SCN11A: variants seen among roughly 807,000 people sequenced by gnomAD.
The protein encoded by SCN11A is sodium voltage-gated channel alpha subunit 11.
Under a neutral mutation model 162.2 loss-of-function variants are expected in SCN11A, and 122 were observed. That is an observed-to-expected ratio of 0.75 (90% CI 0.65 to 0.87). The LOEUF (loss-of-function observed/expected upper bound fraction) is 0.87. SCN11A is among the 40% of genes least tolerant of loss of function. SCN11A has a pLI of 0.00. For synonymous variants in SCN11A, 758 were observed against 751.5 expected (o/e 1.01, Z -0.14); for missense variants, 2,015 against 2,181.6 (o/e 0.92, Z 1.52).
chr3:38,987,299 TCTCTCACA>T (rs1293184264), intron 2 of SCN11A, among the ~76,000 whole-genome samples: 173 of 111,736 alleles, frequency 1.5e-3, no homozygotes, highest in African/African-American at 7.5e-3. Context: ...TCTCTCTCTC[TCTCTCACA>T]CACACACACA....
chr3:38,897,801 A>C (rs1296792120), intron 17 of SCN11A, among the ~76,000 whole-genome samples: 7 of 152,266 alleles, frequency 4.6e-5, no homozygotes, highest in African/African-American at 1.4e-4. Context: ...GAGCTACATA[A>C]TTATTATATA....
chr3:38,876,987 G>GAT (rs200572820), intron 23 of SCN11A, among the ~76,000 whole-genome samples: 2 of 149,354 alleles, frequency 1.3e-5, no homozygotes, highest in African/African-American at 4.9e-5. Flanking sequence ...AAGAAAATGT[G>GAT]ATATATATAT....
chr3:39,009,378 T>C (rs1437406453), intron 2 of SCN11A, among the ~76,000 whole-genome samples: 1 of 151,502 alleles, frequency 6.6e-6, no homozygotes, highest in Non-Finnish European at 1.5e-5. Flanking sequence ...ATCCTGCTCA[T>C]GCAAAAATAA....
At chr3:39,009,101 T>C (rs775339634) in intron 2 of SCN11A, among the ~76,000 whole-genome samples, 6 of 152,026 alleles carry the variant, frequency 3.9e-5, no homozygotes, top group Non-Finnish European at 5.9e-5. Context: ...TTACAACAGA[T>C]TGAATGAAAA....
chr3:38,872,136 G>A (rs1251284758), intron 24 of SCN11A, 57 bp downstream of exon 24: 3 of 1,033,832 alleles, frequency 2.9e-6, no homozygotes, highest in African/African-American at 3.2e-5. Flanking sequence ...AAGAACTGTT[G>A]GTCTTTCCAC....
intron 2 of SCN11A, among the ~76,000 whole-genome samples, chr3:38,963,395 T>TATATATATATATATATATATATGATGGAG (rs1287753701): frequency 7.3e-5 from 4 of 54,542 alleles, no homozygotes; most frequent in Non-Finnish European, 1.4e-4. Flanking sequence ...ATGATGGAGA[T>TATATATATATATATATATATATGATGGAG]ATATATATAT....
At chr3:39,008,630 T>C (rs1382038850) in intron 2 of SCN11A, among the ~76,000 whole-genome samples, 1 of 152,198 alleles carries the variant, frequency 6.6e-6, no homozygotes, top group African/African-American at 2.4e-5. Context: ...GGCTCATGCC[T>C]GTAATCCCAG....
At chr3:38,989,918 T>A (rs2030397121) in intron 2 of SCN11A, among the ~76,000 whole-genome samples, 1 of 151,146 alleles carries the variant, frequency 6.6e-6, no homozygotes, top group African/African-American at 2.4e-5. Flanking sequence ...GTCGAAATAA[T>A]GTTCCCAGTC....
chr3:38,957,343 T>G (rs1269153891), intron 3 of SCN11A, among the ~76,000 whole-genome samples: 2 of 152,230 alleles, frequency 1.3e-5, no homozygotes, highest in Non-Finnish European at 2.9e-5. Context: ...AATTATGTGC[T>G]TGTGTTACTT....
intron 2 of SCN11A, among the ~76,000 whole-genome samples, chr3:39,002,798 G>A (rs2030856552): frequency 6.6e-6 from 1 of 152,166 alleles, no homozygotes; most frequent in South Asian, 2.1e-4. Context: ...CTCTGCCTCT[G>A]CCAAAGAGAA....
intron 7 of SCN11A, among the ~76,000 whole-genome samples, chr3:38,929,135 G>GCACA (rs748169973): frequency 0.03 from 1,968 of 66,644 alleles, 23 homozygotes; most frequent in Non-Finnish European, 0.041. Context: ...GTCTGTGCAC[G>GCACA]CACACACACA....
At chr3:39,043,332 T>C (rs2032101987) in intron 1 of SCN11A, among the ~76,000 whole-genome samples, 1 of 152,044 alleles carries the variant, frequency 6.6e-6, no homozygotes, top group African/African-American at 2.4e-5. Context: ...CCAAAAGAAA[T>C]GAAATCAGTA....
At chr3:38,906,352 C>G (rs933054581) in intron 14 of SCN11A, among the ~76,000 whole-genome samples, 3 of 152,122 alleles carry the variant, frequency 2.0e-5, no homozygotes, top group East Asian at 1.9e-4. Flanking sequence ...ATCCCTCCCC[C>G]ACCACCAGCT....
chr3:38,894,623 C>G lies in SCN11A; in HGVS notation c.2745G>C (p.Trp915Cys), dbSNP rs766711573. 47 of 1,614,038 alleles carry G rather than the reference C, an allele frequency of 2.9e-5. No individual in the cohort carries two copies. Among genetic ancestry groups the G allele is most frequent in the Non-Finnish European group, 3.8e-5 (45 of 1,180,022 alleles). Residue 915 changes from tryptophan (W) to cysteine (C), a missense_variant, in exon 19 of 30, where the codon TGG becomes TGC. By Grantham distance (215) the Trp-to-Cys change is radical. Coordinates refer to ENST00000302328, the MANE Select transcript of SCN11A (RefSeq NM_001349253.2). The part of the protein sequence containing the change: ...KTLGVRHDWT[W>C]LAPLAEEEDD... The stretch of plus-strand genomic sequence containing the variant: ...CTTCCTCCTCCGCAAGTGGTGCCAA[C>G]CAAGTCCAATCATGCCTGACGCCCA...
At chr3:38,887,917 C>T (rs2065430328) in intron 19 of SCN11A, among the ~76,000 whole-genome samples, 1 of 152,144 alleles carries the variant, frequency 6.6e-6, no homozygotes, top group Non-Finnish European at 1.5e-5. Flanking sequence ...AATACACACA[C>T]ATACAAATAT....
intron 19 of SCN11A, among the ~76,000 whole-genome samples, chr3:38,890,202 A>G (rs1205780489): frequency 6.6e-6 from 1 of 152,128 alleles, no homozygotes; most frequent in Non-Finnish European, 1.5e-5. Flanking sequence ...GGGGGTGGGG[A>G]GGATTAAGGA....
intron 9 of SCN11A, 145 bp downstream of exon 9, chr3:38,925,270 A>G: frequency 6.3e-6 from 4 of 635,944 alleles, no homozygotes; most frequent in Non-Finnish European, 1.1e-5. Context: ...TTAGGTGCTC[A>G]ATAATTATCA....
chr3:39,035,902 G>A (rs2031893411), intron 1 of SCN11A, among the ~76,000 whole-genome samples: 1 of 152,238 alleles, frequency 6.6e-6, no homozygotes, highest in African/African-American at 2.4e-5. Flanking sequence ...GCCTTCCAAA[G>A]TGCTGGGATT....
At chr3:38,996,071 T>G (rs918688453) in intron 2 of SCN11A, among the ~76,000 whole-genome samples, 2 of 152,174 alleles carry the variant, frequency 1.3e-5, no homozygotes, top group Non-Finnish European at 2.9e-5. Context: ...GGTGACCATC[T>G]ACAAGATAGG....
Sources: gnomAD v4.1 joint callset for allele counts (sites outside exome capture counted in the v4.1 genomes callset) on GRCh38, gnomAD v4.1.1 for gene constraint, MANE v1.5 for transcripts, NCBI Gene and HGNC (gene_info 2026-07-23, HGNC 2026-07-21) for gene names.